The following ALK variants were observed in gnomAD, a reference collection of about 807,000 sequenced individuals.
ALK encodes ALK tyrosine kinase receptor.
ALK carries 74 observed loss-of-function variants against 163.1 expected under a neutral mutation model. The observed-to-expected ratio is 0.45, with a 90% CI of 0.38 to 0.55. The LOEUF (loss-of-function observed/expected upper bound fraction) is 0.55, where lower values mean the gene tolerates loss of function less well. Ranked by LOEUF, ALK falls within the 20% of genes least tolerant of loss-of-function variation. The pLI is 0.00. For missense variants in ALK, 2,063 were observed against 2,105.3 expected (o/e 0.98, Z 0.39); for synonymous variants, 960 against 843.2 (o/e 1.14, Z -2.40).
chr2:29,228,952 T>TCCCCCCCC lies in ALK; in HGVS notation c.2746_2747insGGGGGGGG (p.Glu916GlyfsTer26). ...ACCCCCTCCGAAACCCCCTCTTGTCTCCCACCCCCACTTCTTCATGGCCTG... is the reference window on the plus strand; with the variant it reads ...ACCCCCTCCGAAACCCCCTCTTGTCTCCCCCCCCCCCACCCCCACTTCTTCATGGCCTG... On this transcript the variant is annotated frameshift_variant, in exon 16 of 29. Coordinates refer to ENST00000389048, the MANE Select transcript of ALK (RefSeq NM_004304.5). LOFTEE classifies it high-confidence loss of function. 2 of 838,908 alleles carry TCCCCCCCC rather than the reference T, an allele frequency of 2.4e-6. No individual in the cohort carries two copies. Among genetic ancestry groups the TCCCCCCCC allele is most frequent in the South Asian group, 1.6e-5 (1 of 63,386 alleles). The allele number at this position is 838,908 out of a possible 1,614,324, so 52.0% of individuals were successfully genotyped here.
intron 1 of ALK, among the ~76,000 whole-genome samples, chr2:29,842,707 G>T (rs1003841438): frequency 1.3e-5 from 2 of 152,198 alleles, no homozygotes; most frequent in Non-Finnish European, 2.9e-5. Flanking sequence ...TGAGCAGGCA[G>T]GGCTCATTTC....
At chr2:29,532,711 CA>C (rs1673153170) in intron 3 of ALK, among the ~76,000 whole-genome samples, 1 of 152,154 alleles carries the variant, frequency 6.6e-6, no homozygotes, top group African/African-American at 2.4e-5. Context: ...TAGCACAGGC[CA>C]AATGACCTGC....
At chr2:29,861,465 C>T (rs986437245) in intron 1 of ALK, among the ~76,000 whole-genome samples, 1 of 151,958 alleles carries the variant, frequency 6.6e-6, no homozygotes, top group African/African-American at 2.4e-5. Context: ...ATTAATACCA[C>T]AGAAATACAA....
At chr2:29,900,115 C>G (rs796183218) in intron 1 of ALK, among the ~76,000 whole-genome samples, 1 of 152,266 alleles carries the variant, frequency 6.6e-6, no homozygotes, top group Non-Finnish European at 1.5e-5. Context: ...CTCTGGCCCA[C>G]GCCAATTTCC....
At chr2:29,740,484 T>C (rs149771117) in intron 1 of ALK, among the ~76,000 whole-genome samples, 3 of 152,198 alleles carry the variant, frequency 2.0e-5, no homozygotes, top group African/African-American at 7.2e-5. Context: ...GTCCTTTTGT[T>C]CTCTTATCTT....
intron 1 of ALK, among the ~76,000 whole-genome samples, chr2:29,868,325 G>C (rs1666492865): frequency 6.6e-6 from 1 of 152,190 alleles, no homozygotes; most frequent in Non-Finnish European, 1.5e-5. Flanking sequence ...TCACATTGTA[G>C]GCACTTGGGA....
intron 4 of ALK, among the ~76,000 whole-genome samples, chr2:29,400,136 G>A (rs1669408366): frequency 6.6e-6 from 1 of 152,146 alleles, no homozygotes; most frequent in Admixed American, 6.5e-5. Context: ...GAGTCTTCTG[G>A]TGTCAGGTAC....
chr2:29,345,406 G>A (rs2148274566), intron 5 of ALK, among the ~76,000 whole-genome samples: 1 of 150,534 alleles, frequency 6.6e-6, no homozygotes, highest in South Asian at 2.1e-4. Flanking sequence ...GTGAGACCCT[G>A]TCTTAATTTA....
intron 11 of ALK, among the ~76,000 whole-genome samples, chr2:29,262,966 T>C (rs1558643828): frequency 1.3e-5 from 2 of 152,168 alleles, no homozygotes; most frequent in Non-Finnish European, 2.9e-5. Context: ...CTGTAAAAAT[T>C]AAGTTAAGGG....
chr2:29,509,722 A>G (rs781014117), intron 4 of ALK, among the ~76,000 whole-genome samples: 6 of 152,182 alleles, frequency 3.9e-5, no homozygotes, highest in Non-Finnish European at 5.9e-5. Context: ...TTTCTAATGG[A>G]ATGCCTTTTA....
intron 3 of ALK, among the ~76,000 whole-genome samples, chr2:29,633,539 TA>T (rs1676440766): frequency 6.6e-6 from 1 of 151,258 alleles, no homozygotes. Context: ...CACAATAAAC[TA>T]ATAGCAAGCA....
chr2:29,312,850 C>T lies in ALK; in HGVS notation c.1647+5454G>A, dbSNP rs1356151583. Among the ~76,000 whole-genome samples, 3 of 152,192 alleles carry T rather than the reference C, an allele frequency of 2.0e-5. No individual in the cohort carries two copies. The East Asian group carries it at 5.8e-4, about 29-fold the overall frequency. On this transcript the variant is annotated intron_variant, in intron 8 of 28. Coordinates refer to ENST00000389048, the MANE Select transcript of ALK (RefSeq NM_004304.5). ...CTCCTAGAGCTGGACTTGCTTTCTC[C>T]CAATTCAGGCACATTCTGTCACTGC...
intron 1 of ALK, among the ~76,000 whole-genome samples, chr2:29,791,098 G>A (rs1664173525): frequency 6.6e-6 from 1 of 152,098 alleles, no homozygotes. Context: ...AAAATGCCCA[G>A]TGTAACTCAA....
chr2:29,514,352 G>C (rs934777440), intron 4 of ALK, among the ~76,000 whole-genome samples: 5 of 150,622 alleles, frequency 3.3e-5, no homozygotes, highest in African/African-American at 1.2e-4. Flanking sequence ...CCTTTGTAGG[G>C]ACATGGATGA....
intron 9 of ALK, among the ~76,000 whole-genome samples, chr2:29,293,645 T>A (rs1177025259): frequency 6.6e-6 from 1 of 152,076 alleles, no homozygotes; most frequent in African/African-American, 2.4e-5. Context: ...AGCCTAGAAG[T>A]AAGAATGTAG....
chr2:29,577,145 C>A (rs1377922132), intron 3 of ALK, among the ~76,000 whole-genome samples: 1 of 152,050 alleles, frequency 6.6e-6, no homozygotes, highest in South Asian at 2.1e-4. Flanking sequence ...GCATGGCACC[C>A]GCCTCGGGAG....
chr2:29,590,124 G>A (rs1205530588), intron 3 of ALK, among the ~76,000 whole-genome samples: 1 of 152,000 alleles, frequency 6.6e-6, no homozygotes, highest in Admixed American at 6.5e-5. Flanking sequence ...CATCTCCAGG[G>A]CCATGGGAAC....
intron 4 of ALK, among the ~76,000 whole-genome samples, chr2:29,514,793 A>T (rs1672618690): frequency 6.6e-6 from 1 of 152,100 alleles, no homozygotes; most frequent in South Asian, 2.1e-4. Context: ...TCTTGTACAT[A>T]TCTGCAAGTC....
chr2:29,480,070 C>T (rs1429113061), intron 4 of ALK, among the ~76,000 whole-genome samples: 2 of 152,110 alleles, frequency 1.3e-5, no homozygotes, highest in Non-Finnish European at 2.9e-5. Context: ...TATATTTCAG[C>T]ACAGAAAAAT....
Sources: gnomAD v4.1 joint callset for allele counts (sites outside exome capture counted in the v4.1 genomes callset) on GRCh38, gnomAD v4.1.1 for gene constraint, MANE v1.5 for transcripts, NCBI Gene and HGNC (gene_info 2026-07-23, HGNC 2026-07-21) for gene names.